KCNH8: variants seen among roughly 807,000 people sequenced by gnomAD.
KCNH8 encodes the protein voltage-gated delayed rectifier potassium channel KCNH8.
A neutral mutation model predicts 103.6 loss-of-function variants in KCNH8; 70 were observed. That is an observed-to-expected ratio of 0.68 (90% CI 0.56 to 0.82). The LOEUF is 0.82. KCNH8 is among the 40% of genes least tolerant of loss of function. The pLI, the probability that KCNH8 is intolerant of heterozygous loss-of-function variation, is 0.00. For synonymous variants in KCNH8, 498 were observed against 489.4 expected, an observed-to-expected ratio of 1.02 and a Z score of -0.23; for missense variants, 1,217 against 1,329.9, an observed-to-expected ratio of 0.92 and a Z score of 1.32.
At chr3:19,330,177 C>T (rs1371674517) in intron 3 of KCNH8, among the ~76,000 whole-genome samples, 1 of 152,124 alleles carries the variant, frequency 6.6e-6, no homozygotes. Flanking sequence ...TTTGTTCAAG[C>T]GTTCTCAGTC....
At chr3:19,456,462 G>C (rs989000480) in intron 10 of KCNH8, among the ~76,000 whole-genome samples, 9 of 152,022 alleles carry the variant, frequency 5.9e-5, no homozygotes, top group Non-Finnish European at 1.0e-4. Context: ...TGTTGAATGG[G>C]AAGTAGAGGC....
chr3:19,427,425 TG>T (rs1214797518), intron 7 of KCNH8, among the ~76,000 whole-genome samples: 1 of 152,196 alleles, frequency 6.6e-6, no homozygotes, highest in African/African-American at 2.4e-5. Flanking sequence ...TGCCAATGAA[TG>T]GTATGGTTAA....
intron 2 of KCNH8, among the ~76,000 whole-genome samples, chr3:19,277,128 C>G (rs2064685369): frequency 6.6e-6 from 1 of 152,002 alleles, no homozygotes; most frequent in Admixed American, 6.6e-5. Flanking sequence ...TGTTCTCATT[C>G]ATATTTGAGA....
chr3:19,291,339 G>T (rs1420853720), intron 3 of KCNH8, among the ~76,000 whole-genome samples: 4 of 152,186 alleles, frequency 2.6e-5, no homozygotes, highest in Middle Eastern at 3.4e-3. Flanking sequence ...TGATGTTAGG[G>T]TGTCAATTTT....
chr3:19,257,432 G>T (rs1223311819), intron 2 of KCNH8, among the ~76,000 whole-genome samples: 1 of 151,958 alleles, frequency 6.6e-6, no homozygotes, highest in Non-Finnish European at 1.5e-5. Flanking sequence ...ACACTGAGAT[G>T]TCATGTCCTA....
intron 11 of KCNH8, among the ~76,000 whole-genome samples, chr3:19,479,821 T>C (rs1455255457): frequency 6.6e-6 from 1 of 152,054 alleles, no homozygotes; most frequent in Non-Finnish European, 1.5e-5. Context: ...CAGTCACCAA[T>C]ACTGGTTATG....
chr3:19,440,454 A>C (rs1239424473), intron 8 of KCNH8, among the ~76,000 whole-genome samples: 2 of 152,212 alleles, frequency 1.3e-5, no homozygotes, highest in Non-Finnish European at 2.9e-5. Flanking sequence ...ATAGTGGTGG[A>C]AGACAATGGA....
intron 15 of KCNH8, among the ~76,000 whole-genome samples, chr3:19,526,579 C>T (rs2069068705): frequency 6.6e-6 from 1 of 151,888 alleles, no homozygotes; most frequent in South Asian, 2.1e-4. Flanking sequence ...CACCAAAAAA[C>T]ACACAATCTA....
chr3:19,358,953 C>T (rs1284378082), intron 5 of KCNH8, among the ~76,000 whole-genome samples: 1 of 150,820 alleles, frequency 6.6e-6, no homozygotes, highest in Non-Finnish European at 1.5e-5. Context: ...TACTAATCCA[C>T]AAGGAAAAGG....
intron 2 of KCNH8, among the ~76,000 whole-genome samples, chr3:19,264,226 T>C (rs560794180): frequency 4.6e-5 from 7 of 152,198 alleles, no homozygotes; most frequent in Non-Finnish European, 8.8e-5. Flanking sequence ...TTCAAAGTCA[T>C]GGTAGCAGAA....
intron 3 of KCNH8, among the ~76,000 whole-genome samples, chr3:19,301,457 A>G (rs543639290): frequency 6.6e-6 from 1 of 151,672 alleles, no homozygotes; most frequent in South Asian, 2.1e-4. Flanking sequence ...AAATTGAAGA[A>G]CTAAGGAAAT....
intron 8 of KCNH8, among the ~76,000 whole-genome samples, chr3:19,444,146 A>G (rs2067327176): frequency 6.6e-6 from 1 of 152,122 alleles, no homozygotes; most frequent in Non-Finnish European, 1.5e-5. Context: ...TGTATTTCAA[A>G]GTTACAGTAA....
At chr3:19,532,696 G>A (rs914172281) in intron 15 of KCNH8, among the ~76,000 whole-genome samples, 1 of 152,154 alleles carries the variant, frequency 6.6e-6, no homozygotes, top group Non-Finnish European at 1.5e-5. Context: ...CAGGGGAAGC[G>A]AAATATATCA....
chr3:19,367,407 TATATATATATCAGAA>T, intron 5 of KCNH8, among the ~76,000 whole-genome samples: 1 of 146,178 alleles, frequency 6.8e-6, no homozygotes, highest in East Asian at 2.0e-4. Flanking sequence ...TATATATATT[TATATATATATCAGAA>T]ATATATATAT....
chr3:19,461,721 G>A (rs1264066920), intron 11 of KCNH8, among the ~76,000 whole-genome samples: 5 of 152,140 alleles, frequency 3.3e-5, no homozygotes, highest in South Asian at 2.1e-4. Flanking sequence ...CAACGTGCAG[G>A]TTTGTTACAT....
intron 7 of KCNH8, among the ~76,000 whole-genome samples, chr3:19,423,157 T>A (rs1473281249): frequency 1.3e-5 from 2 of 152,096 alleles, no homozygotes; most frequent in East Asian, 3.8e-4. Context: ...ATTGTACATT[T>A]GTTGGGTCAG....
intron 2 of KCNH8, among the ~76,000 whole-genome samples, chr3:19,257,770 T>A (rs2064364919): frequency 6.6e-6 from 1 of 152,068 alleles, no homozygotes; most frequent in African/African-American, 2.4e-5. Context: ...GGGTTACCAT[T>A]ATAAAGTACC....
intron 3 of KCNH8, among the ~76,000 whole-genome samples, chr3:19,303,697 T>C (rs1032783179): frequency 4.6e-5 from 7 of 152,050 alleles, no homozygotes; most frequent in African/African-American, 1.2e-4. Context: ...GCAGAAGTCA[T>C]TGGGTTCTGA....
chr3:19,375,889 C>T (rs1490473932), intron 5 of KCNH8, among the ~76,000 whole-genome samples: 1 of 152,200 alleles, frequency 6.6e-6, no homozygotes, highest in African/African-American at 2.4e-5. Context: ...TGTGCCCTTG[C>T]TGGGGGGTGC....
Sources: allele counts gnomAD v4.1 joint callset (sites outside exome capture counted in the v4.1 genomes callset), GRCh38; gene constraint gnomAD v4.1.1; transcripts MANE v1.5; gene names NCBI Gene and HGNC (gene_info 2026-07-23, HGNC 2026-07-21).